VPS13B: variants seen among roughly 807,000 people sequenced by gnomAD.
VPS13B encodes the protein intermembrane lipid transfer protein VPS13B.
VPS13B carries 285 observed loss-of-function variants against 426.4 expected under a neutral mutation model. The ratio of observed to expected loss-of-function variants is 0.67; its 90% CI spans 0.61 to 0.74. The LOEUF (loss-of-function observed/expected upper bound fraction) is 0.74, where lower values mean the gene tolerates loss of function less well. Ranked by LOEUF, VPS13B falls within the 30% of genes least tolerant of loss-of-function variation. The pLI is 0.00. For missense variants in VPS13B, 4,537 were observed against 4,782.6 expected (o/e 0.95, Z 1.51); for synonymous variants, 1,676 against 1,676.4 (o/e 1.00, Z 0.01).
chr8:99,379,467 CAT>C (rs1479168958), intron 19 of VPS13B, among the ~76,000 whole-genome samples: 2 of 152,072 alleles, frequency 1.3e-5, no homozygotes, highest in Admixed American at 6.5e-5. Context: ...TTTAAAATAA[CAT>C]AGCTTTTCTT....
chr8:99,621,489 A>C (rs1424825657), intron 33 of VPS13B, among the ~76,000 whole-genome samples: 1 of 152,146 alleles, frequency 6.6e-6, no homozygotes, highest in Non-Finnish European at 1.5e-5. Flanking sequence ...CTTTGGAATC[A>C]GCCCAGTTGA....
chr8:99,452,650 CGAAAT>C (rs962572335), intron 23 of VPS13B, among the ~76,000 whole-genome samples: 6 of 151,304 alleles, frequency 4.0e-5, no homozygotes, highest in African/African-American at 1.5e-4. Flanking sequence ...CTGGTCTTTA[CGAAAT>C]GAAAAAAAGG....
intron 28 of VPS13B, among the ~76,000 whole-genome samples, chr8:99,508,395 G>A (rs9642783): frequency 0.016 from 2,426 of 152,198 alleles, 38 homozygotes; most frequent in East Asian, 0.085. Context: ...ACTTTTAGAC[G>A]TTTAGAACCT....
rs11992405 is a variant in VPS13B at position 99,204,208 on chromosome 8, A to T, written c.2515+11151A>T. Among the ~76,000 whole-genome samples the T allele has an allele frequency of 3.9e-3, 587 of 152,312 alleles. 5 individuals are homozygous for T. Among genetic ancestry groups the T allele is most frequent in the African/African-American group, 0.013 (522 of 41,562 alleles). ...AGAGGCCTCAGAAATAACACCACAC[A>T]TCTACAACCATCTGATCTTTGACAA... On this transcript the variant is annotated intron_variant, in intron 17 of 61. Coordinates refer to ENST00000357162, the MANE Select transcript of VPS13B (RefSeq NM_152564.5).
In VPS13B at chr8:99,142,928, G is replaced by T; in HGVS notation, c.1652-46G>T. 3 of 1,553,836 alleles carry T rather than the reference G, an allele frequency of 1.9e-6. No individual in the cohort carries two copies. The South Asian group carries it at 3.5e-5, about 18-fold the overall frequency. ...AAGAGCGATTTTAAAATATTTACTT[G>T]GTATATCCAATTGATGCTTAAAATA... On this transcript the variant is annotated intron_variant, in intron 12 of 61. Transcript: ENST00000357162.
chr8:99,849,426 T>C (rs1289035565), intron 55 of VPS13B, among the ~76,000 whole-genome samples: 2 of 152,114 alleles, frequency 1.3e-5, no homozygotes, highest in Non-Finnish European at 2.9e-5. Flanking sequence ...ATAGGGGCAA[T>C]AGGCATGAAC....
chr8:99,555,001 A>G (rs1014922275), intron 30 of VPS13B, among the ~76,000 whole-genome samples: 1 of 152,130 alleles, frequency 6.6e-6, no homozygotes, highest in Non-Finnish European at 1.5e-5. Context: ...AGGAATCATG[A>G]GAATTATCCT....
intron 44 of VPS13B, among the ~76,000 whole-genome samples, chr8:99,816,176 C>T (rs1395845501): frequency 6.7e-6 from 1 of 149,868 alleles, no homozygotes; most frequent in Non-Finnish European, 1.5e-5. Flanking sequence ...GATCTCGGCT[C>T]ACCGCAACCT....
chr8:99,739,392 TG>T (rs1016662915), intron 39 of VPS13B, among the ~76,000 whole-genome samples: 1 of 152,184 alleles, frequency 6.6e-6, no homozygotes. Flanking sequence ...ACTCCACCTC[TG>T]GGGGCAGGGC....
At chr8:99,538,090 A>T (rs1192257924) in intron 30 of VPS13B, among the ~76,000 whole-genome samples, 1 of 152,102 alleles carries the variant, frequency 6.6e-6, no homozygotes, top group African/African-American at 2.4e-5. Context: ...CTTGTTTTTA[A>T]ATCAGCATTT....
intron 30 of VPS13B, among the ~76,000 whole-genome samples, chr8:99,525,994 A>G (rs1822620701): frequency 1.3e-5 from 2 of 151,176 alleles, no homozygotes; most frequent in Non-Finnish European, 3.0e-5. Flanking sequence ...GACTTTGGCT[A>G]TTAGTTTGAG....
At chr8:99,233,674 G>A (rs1447398943) in intron 17 of VPS13B, 1 of 823,562 alleles carries the variant, frequency 1.2e-6, no homozygotes, top group African/African-American at 1.7e-5. Context: ...TCACAGTGAT[G>A]GTTCTTTCCG....
chr8:99,211,820 C>CT lies in VPS13B; in HGVS notation c.2515+18766dup, dbSNP rs147656889. ...ATGTTGTTGGTTCAGTACTTTTGTT[C>CT]TTTCAGTAGTACCACGAGTTTCTTT... On this transcript the variant is annotated intron_variant, in intron 17 of 61. Transcript: ENST00000357162. 3.2e-3 allele frequency among the ~76,000 whole-genome samples: 481 copies of CT among 152,248 alleles called. 3 individuals carry two copies. The highest frequency in any genetic ancestry group is 2.8e-3 in the Non-Finnish European group (193 of 68,000).
In VPS13B at chr8:99,871,548, A is replaced by C; in HGVS notation, c.11596A>C (p.Thr3866Pro). 3 of 1,614,196 alleles carry C rather than the reference A, an allele frequency of 1.9e-6. No individual in the cohort carries two copies. Among genetic ancestry groups the C allele is most frequent in the Non-Finnish European group, 2.5e-6 (3 of 1,180,044 alleles). The change falls in exon 61 of 62, where the codon ACA (threonine) becomes CCA (proline). Residue 3866 changes from threonine to proline, a missense_variant. Transcript: ENST00000357162. Reference sequence around the variant, plus strand: ...GGAGCATGAAGGGTGCTTGCTGCTGACATCAGAAGTGCTCTTCGTGGTGAG... The same window carrying C: ...GGAGCATGAAGGGTGCTTGCTGCTGCCATCAGAAGTGCTCTTCGTGGTGAG... ...GQEHEGCLLLTSEVLFVVSVS... is the reference protein window; with the variant it reads ...GQEHEGCLLLPSEVLFVVSVS...
chr8:99,692,197 T>G (rs201085756), intron 35 of VPS13B, among the ~76,000 whole-genome samples: 1 of 147,730 alleles, frequency 6.8e-6, no homozygotes, highest in African/African-American at 2.5e-5. Context: ...GCGGACCTAA[T>G]AGACATCTAC....
chr8:99,649,305 T>A (rs1829712499), intron 34 of VPS13B, among the ~76,000 whole-genome samples: 1 of 152,118 alleles, frequency 6.6e-6, no homozygotes, highest in Non-Finnish European at 1.5e-5. Flanking sequence ...GGCCCTTTTT[T>A]CTTCAAATAG....
rs1449385331 is a variant in VPS13B, at chr8:99,156,848, A to G, written c.2208+105A>G. The stretch of plus-strand genomic sequence containing the variant: ...TGTAATTTCAGAGAAATAGTACTCT[A>G]AAAGGTAAGATTTAAATAAGAAATA... On this transcript the variant is annotated intron_variant, in intron 15 of 61. Transcript: ENST00000357162. 7 of 1,035,606 alleles carry G rather than the reference A, an allele frequency of 6.8e-6. No homozygotes were observed. The East Asian group carries it at 1.5e-4, about 22-fold the overall frequency. The allele number at this position is 1,035,606 out of a possible 1,614,324, so 64.2% of individuals were successfully genotyped here.
chr8:99,320,617 T>G (rs1052506161), intron 19 of VPS13B, among the ~76,000 whole-genome samples: 3 of 152,208 alleles, frequency 2.0e-5, no homozygotes, highest in African/African-American at 7.2e-5. Context: ...GGACCCCTAG[T>G]TTTCCTTTGT....
At chr8:99,474,760 G>C (rs1819605579) in intron 24 of VPS13B, among the ~76,000 whole-genome samples, 1 of 152,110 alleles carries the variant, frequency 6.6e-6, no homozygotes, top group African/African-American at 2.4e-5. Flanking sequence ...TAAAAATGAT[G>C]TAACAACATT....
Sources: gnomAD v4.1 joint callset for allele counts (sites outside exome capture counted in the v4.1 genomes callset) on GRCh38, gnomAD v4.1.1 for gene constraint, MANE v1.5 for transcripts, NCBI Gene and HGNC (gene_info 2026-07-23, HGNC 2026-07-21) for gene names.